LHX4: variants seen among roughly 807,000 people sequenced by gnomAD.
LHX4 encodes the protein LIM/homeobox protein Lhx4.
A neutral mutation model predicts 39.2 loss-of-function variants in LHX4; 16 were observed. The ratio of observed to expected loss-of-function variants is 0.41; its 90% CI spans 0.28 to 0.62. The LOEUF is 0.62. Among genes scored for constraint, LHX4 ranks in the 20% least tolerant of loss-of-function variants. The pLI is 0.33. For synonymous variants in LHX4, 206 were observed against 198.1 expected (o/e 1.04, Z -0.33); for missense variants, 439 against 511.9 (o/e 0.86, Z 1.37).
At chr1:180,228,851 G>T (rs1475865349), upstream of LHX4, among the ~76,000 whole-genome samples, 1 of 152,204 alleles carries the variant, frequency 6.6e-6, no homozygotes, top group East Asian at 1.9e-4. Context: ...GTTCTGGAAG[G>T]CTGGGGAGGG....
chr1:180,230,145 C>G (rs1664138639), upstream of LHX4: 4 of 310,078 alleles, frequency 1.3e-5, no homozygotes, highest in South Asian at 1.2e-4. The surrounding 1 kb of genome is among the most constrained non-coding windows in gnomAD (Gnocchi z 5.8). Flanking sequence ...GTCACGGCCG[C>G]TCCTGCAGTG....
chr1:180,248,311 C>A lies in LHX4; in HGVS notation c.103C>A (p.Gln35Lys). 6.2e-7 allele frequency: 1 copy of A among 1,614,218 alleles called. No individual in the cohort carries two copies. Among genetic ancestry groups the A allele is most frequent in the Non-Finnish European group, 8.5e-7 (1 of 1,180,042 alleles). ...GATTCCCCAGTGCGCTGGCTGCAAC[C>A]AGCACATCCTGGACAAGTTCATCCT... Reference protein sequence around the residue: ...QQIPQCAGCNQHILDKFILKV... With the variant: ...QQIPQCAGCNKHILDKFILKV... The change falls in exon 2 of 6, where the codon CAG becomes AAG. Residue 35 changes from glutamine (Q) to lysine (K), a missense_variant. By Grantham distance (53) the Gln-to-Lys change is moderately conservative. Coordinates refer to ENST00000263726, the MANE Select transcript of LHX4 (RefSeq NM_033343.4).
At chr1:180,265,917 CCT>C (rs1348486616) in intron 2 of LHX4, among the ~76,000 whole-genome samples, 1 of 152,190 alleles carries the variant, frequency 6.6e-6, no homozygotes, top group Non-Finnish European at 1.5e-5. Flanking sequence ...CCAGGCAGGG[CCT>C]CCTCCCTGGG....
intron 3 of LHX4, chr1:180,271,164 T>G (rs1648630046): frequency 3.2e-6 from 2 of 625,734 alleles, no homozygotes; most frequent in South Asian, 1.8e-5. Flanking sequence ...GAGAAAGGAC[T>G]GCTGTCCTCA....
intron 1 of LHX4, among the ~76,000 whole-genome samples, chr1:180,236,129 A>G (rs1664312116): frequency 6.6e-6 from 1 of 151,348 alleles, no homozygotes; most frequent in Admixed American, 6.6e-5. Flanking sequence ...GCGAGCCCTC[A>G]AGACGTCTCG....
At position 180,234,215 on chromosome 1, in the gene LHX4, AT is replaced by A. The variant is rs1558207263; in HGVS notation, c.76+3611del. Among the ~76,000 whole-genome samples, 127 of 73,708 alleles carry A rather than the reference AT, an allele frequency of 1.7e-3. 3 individuals are homozygous for A. The highest frequency in any genetic ancestry group is 6.1e-3 in the Middle Eastern group (1 of 164). 48.4% of individuals were successfully genotyped at this position (73,708 alleles called of 152,430 possible). On this transcript the variant is annotated intron_variant, in intron 1 of 5. Transcript: ENST00000263726. This position sits in a 1 kb window ranked among gnomAD's most constrained non-coding sequence, Gnocchi z 4.8. ...TATATATATATATATATATATATAT[AT>A]ATATAATAGATTGAGATTCTATCAT...
Position 180,277,096 on chromosome 1 carries a change from C to T in LHX4, c.*2517C>T, listed in dbSNP as rs1649081192. 1 of 152,076 alleles carries T rather than the reference C, an allele frequency of 6.6e-6. No individual in the cohort carries two copies. Among genetic ancestry groups the T allele is most frequent in the African/African-American group, 2.4e-5 (1 of 41,362 alleles). The allele number at this position is 152,076 out of a possible 1,614,324, so 9.4% of individuals were successfully genotyped here. On this transcript the variant is annotated 3_prime_UTR_variant, in exon 6 of 6. Transcript: ENST00000263726. Reference sequence around the variant, plus strand: ...TGAAAACCAGGAGAGCTTTGTTTTCCAGAGCCACCTCCCCAGAAAGCAGCA... The same window carrying T: ...TGAAAACCAGGAGAGCTTTGTTTTCTAGAGCCACCTCCCCAGAAAGCAGCA...
intron 1 of LHX4, among the ~76,000 whole-genome samples, chr1:180,238,363 A>G (rs1664372905): frequency 6.6e-6 from 1 of 152,196 alleles, no homozygotes; most frequent in African/African-American, 2.4e-5. Flanking sequence ...TGTAAGAAGG[A>G]TTTTCTGACT....
At chr1:180,231,564 GC>G (rs1487107228) in intron 1 of LHX4, among the ~76,000 whole-genome samples, 6 of 139,148 alleles carry the variant, frequency 4.3e-5, no homozygotes, top group Non-Finnish European at 7.6e-5. Flanking sequence ...TCGCGCGCGC[GC>G]GCGCGCGCGC....
Position 180,266,432 on chromosome 1 carries a change from C to T in LHX4, c.289C>T (p.Pro97Ser), listed in dbSNP as rs1256404225. ...TKCTACQQGIPPTQVVRKAQD... is the reference protein window; with the variant it reads ...TKCTACQQGISPTQVVRKAQD... Reference sequence around the variant, plus strand: ...ATGCACGGCCTGCCAGCAGGGTATCCCCCCAACCCAGGTGGTCCGCAAGGC... The same window carrying T: ...ATGCACGGCCTGCCAGCAGGGTATCTCCCCAACCCAGGTGGTCCGCAAGGC... Residue 97 changes from proline (P) to serine (S), a missense_variant, in exon 3 of 6, where the codon CCC (proline) becomes TCC (serine). Transcript: ENST00000263726. The surrounding 1 kb of genome is among the most constrained non-coding windows in gnomAD (Gnocchi z 5.7). The T allele has an allele frequency of 6.2e-7, 1 of 1,614,210 alleles. No homozygotes were observed. The highest frequency in any genetic ancestry group is 1.7e-5 in the Admixed American group (1 of 60,026).
At chr1:180,236,233 C>G (rs747893841) in intron 1 of LHX4, among the ~76,000 whole-genome samples, 3 of 152,092 alleles carry the variant, frequency 2.0e-5, no homozygotes, top group Non-Finnish European at 4.4e-5. Flanking sequence ...GGGAAACCAG[C>G]AAAGCAATTT....
rs750416597 is a variant in LHX4 at position 180,266,451 on chromosome 1, G to A, written c.308G>A (p.Arg103His). 1.2e-5 allele frequency: 19 copies of A among 1,614,108 alleles called. No individual in the cohort carries two copies. The highest frequency in any genetic ancestry group is 1.6e-4 in the Middle Eastern group (1 of 6,084). Reference sequence around the variant, plus strand: ...GGTATCCCCCCAACCCAGGTGGTCCGCAAGGCCCAGGACTTTGTCTACCAC... The same window carrying A: ...GGTATCCCCCCAACCCAGGTGGTCCACAAGGCCCAGGACTTTGTCTACCAC... ...QQGIPPTQVV[R>H]KAQDFVYHLH... The change falls in exon 3 of 6, where the codon CGC (arginine) becomes CAC (histidine). Residue 103 changes from arginine to histidine, a missense_variant. Coordinates refer to ENST00000263726, the MANE Select transcript of LHX4 (RefSeq NM_033343.4). This position sits in a 1 kb window ranked among gnomAD's most constrained non-coding sequence, Gnocchi z 5.7.
At chr1:180,252,214 C>A (rs1647656133) in intron 2 of LHX4, among the ~76,000 whole-genome samples, 1 of 152,194 alleles carries the variant, frequency 6.6e-6, no homozygotes, top group Admixed American at 6.5e-5. Flanking sequence ...CATGGGGGCA[C>A]ACACACAGTG....
At chr1:180,257,722 T>A (rs12079699) in intron 2 of LHX4, among the ~76,000 whole-genome samples, 4,462 of 152,286 alleles carry the variant, frequency 0.029, 203 homozygotes, top group African/African-American at 0.099. Flanking sequence ...CGCCAAGCAA[T>A]TAAAGCATAA....
chr1:180,274,125 G>C, intron 5 of LHX4, 60 bp from the exon 6 acceptor site: 1 of 1,602,468 alleles, frequency 6.2e-7, no homozygotes. Flanking sequence ...AGGTTGTGAA[G>C]AGCAGGGGAC....
chr1:180,274,628 T>C lies in LHX4; in HGVS notation c.*49T>C. On this transcript the variant is annotated 3_prime_UTR_variant, in exon 6 of 6. Transcript: ENST00000263726. ...TGCCCCCCTGGCTTGAGAGAATATC[T>C]TCAAGGATCAAAAGAGACTTGCCTT... is the stretch of plus-strand genomic sequence containing the variant. 1 of 1,501,960 alleles carries C rather than the reference T, an allele frequency of 6.7e-7. No individual in the cohort carries two copies. Among genetic ancestry groups the C allele is most frequent in the Non-Finnish European group, 8.9e-7 (1 of 1,129,300 alleles). The allele number at this position is 1,501,960 out of a possible 1,614,324, so 93.0% of individuals were successfully genotyped here. A position where few individuals can be genotyped will look rare whatever the true frequency, so the allele number is the denominator to read the frequency against.
In LHX4 at chr1:180,278,637, C is replaced by CTT. The variant is rs1649188941; in HGVS notation, c.*4060_*4061dup. The CTT allele has an allele frequency of 6.6e-6, 1 of 152,102 alleles. No homozygotes were observed. Among genetic ancestry groups the CTT allele is most frequent in the African/African-American group, 2.4e-5 (1 of 41,470 alleles). 9.4% of individuals were successfully genotyped at this position (152,102 alleles called of 1,614,324 possible). On this transcript the variant is annotated 3_prime_UTR_variant, in exon 6 of 6. Transcript: ENST00000263726. ...CACCGAGAGGCAAGAATCACACCAA[C>CTT]TTTCCCACTTGAGGACTGTGTTCGG... is the stretch of plus-strand genomic sequence containing the variant.
At chr1:180,274,160 T>G in intron 5 of LHX4, 25 bp from the exon 6 acceptor site, 2 of 1,614,078 alleles carry the variant, frequency 1.2e-6, no homozygotes, top group Non-Finnish European at 1.7e-6. Context: ...CAGCTGACAA[T>G]AAATCTCCGT....
chr1:180,229,887 G>C (rs1004553116), upstream of LHX4, among the ~76,000 whole-genome samples: 1 of 149,844 alleles, frequency 6.7e-6, no homozygotes, highest in African/African-American at 2.5e-5. Flanking sequence ...ACCTGCTGCC[G>C]CGGCAGGCCA....
Sources: allele counts gnomAD v4.1 joint callset (sites outside exome capture counted in the v4.1 genomes callset), GRCh38; gene constraint gnomAD v4.1.1; non-coding constraint Gnocchi (gnomAD v3.1); transcripts MANE v1.5; gene names NCBI Gene and HGNC (gene_info 2026-07-23, HGNC 2026-07-21).